DGKI: variants seen among roughly 807,000 people sequenced by gnomAD.
DGKI encodes the protein DAG kinase iota.
Under a neutral mutation model 147.5 loss-of-function variants are expected in DGKI, and 55 were observed. That is an observed-to-expected ratio of 0.37 (90% CI 0.30 to 0.47). The LOEUF is 0.47. Ranked by LOEUF, DGKI falls within the 20% of genes least tolerant of loss-of-function variation. DGKI has a pLI of 1.00. For synonymous variants in DGKI, 469 were observed against 477.1 expected, an observed-to-expected ratio of 0.98 and a Z score of 0.22; for missense variants, 1,007 against 1,323.8, an observed-to-expected ratio of 0.76 and a Z score of 3.71.
At chr7:137,522,055 T>G in intron 20 of DGKI, 89 bp from the exon 21 acceptor site, 3 of 889,212 alleles carry the variant, frequency 3.4e-6, no homozygotes, top group Non-Finnish European at 5.2e-6. Flanking sequence ...ATATTGTCTC[T>G]TCATGTTTAG....
At chr7:137,632,668 C>A (rs1289696496) in intron 6 of DGKI, among the ~76,000 whole-genome samples, 1 of 151,704 alleles carries the variant, frequency 6.6e-6, no homozygotes, top group East Asian at 1.9e-4. Flanking sequence ...ACCATCCTGG[C>A]CAACATGGTG....
intron 30 of DGKI, 97 bp from the exon 31 acceptor site, chr7:137,397,510 G>C (rs1186486245): frequency 1.7e-6 from 2 of 1,203,672 alleles, no homozygotes; most frequent in Non-Finnish European, 2.4e-6. Flanking sequence ...GCCTTGGAAA[G>C]CTAAATTTGG....
At chr7:137,701,926 T>C (rs1038322182) in intron 1 of DGKI, among the ~76,000 whole-genome samples, 3 of 152,186 alleles carry the variant, frequency 2.0e-5, no homozygotes, top group Non-Finnish European at 4.4e-5. Context: ...ATTATAAAGC[T>C]ATAGAAATCC....
intron 15 of DGKI, 142 bp downstream of exon 15, chr7:137,581,707 TC>T: frequency 1.5e-6 from 1 of 670,136 alleles, no homozygotes; most frequent in Non-Finnish European, 2.5e-6. Context: ...CCTGTCTAGC[TC>T]CCAGAGTCAT....
At chr7:137,480,405 T>C (rs1305790175) in intron 23 of DGKI, among the ~76,000 whole-genome samples, 1 of 152,090 alleles carries the variant, frequency 6.6e-6, no homozygotes, top group Non-Finnish European at 1.5e-5. Flanking sequence ...AGGAGAGAGA[T>C]GAATAAGGAC....
intron 23 of DGKI, among the ~76,000 whole-genome samples, chr7:137,474,941 T>C (rs976729654): frequency 2.0e-5 from 3 of 152,188 alleles, no homozygotes; most frequent in Non-Finnish European, 4.4e-5. Context: ...ATAATATCTA[T>C]CATAAAGGGT....
intron 1 of DGKI, among the ~76,000 whole-genome samples, chr7:137,760,052 C>T (rs975474156): frequency 6.6e-6 from 1 of 152,196 alleles, no homozygotes; most frequent in Admixed American, 6.5e-5. Flanking sequence ...TTGAGGCAAT[C>T]GACAGGGAAT....
In DGKI at chr7:137,747,539, G is replaced by C. The variant is rs190821800; in HGVS notation, c.402-57537C>G. Among the ~76,000 whole-genome samples the C allele has an allele frequency of 3.3e-3, 504 of 152,254 alleles. 4 individuals carry two copies. The highest frequency in any genetic ancestry group is 0.012 in the South Asian group (57 of 4,820). On this transcript the variant is annotated intron_variant, in intron 1 of 32. Coordinates refer to ENST00000614521, the MANE Select transcript of DGKI (RefSeq NM_001321708.2). ...CGAAGTAACCAGTGGAATCCTCTAG[G>C]GGGTATGTAAACTCCCAAAAATTCT...
intron 13 of DGKI, 92 bp from the exon 14 acceptor site, chr7:137,585,438 T>C (rs1819357999): frequency 2.7e-5 from 39 of 1,458,350 alleles, no homozygotes; most frequent in Non-Finnish European, 3.6e-5. Context: ...AGCCGTTATA[T>C]TGTTTATTTT....
chr7:137,692,170 TTGAA>T (rs1823637912), intron 1 of DGKI, among the ~76,000 whole-genome samples: 1 of 152,206 alleles, frequency 6.6e-6, no homozygotes, highest in Non-Finnish European at 1.5e-5. Flanking sequence ...TCCACCTATG[TTGAA>T]GGAACTTCTT....
chr7:137,806,170 C>T (rs13438752), intron 1 of DGKI, among the ~76,000 whole-genome samples: 4,872 of 152,174 alleles, frequency 0.032, 273 homozygotes, highest in African/African-American at 0.11. Context: ...GCAGGGGAAA[C>T]GAGAAAAACG....
At chr7:137,459,257 A>G (rs1470178543) in intron 27 of DGKI, among the ~76,000 whole-genome samples, 1 of 152,102 alleles carries the variant, frequency 6.6e-6, no homozygotes, top group African/African-American at 2.4e-5. Flanking sequence ...TTTTAAAACC[A>G]TGGGAAAATG....
Position 137,384,690 on chromosome 7 carries a change from G to C in DGKI, c.*6530C>G, listed in dbSNP as rs912324625. The C allele has an allele frequency of 6.6e-6, 1 of 151,920 alleles. No individual in the cohort carries two copies. The highest frequency in any genetic ancestry group is 1.5e-5 in the Non-Finnish European group (1 of 67,958). 9.4% of individuals were successfully genotyped at this position (151,920 alleles called of 1,614,324 possible). On this transcript the variant is annotated 3_prime_UTR_variant, in exon 33 of 33. Coordinates refer to ENST00000614521, the MANE Select transcript of DGKI (RefSeq NM_001321708.2). ...CTCAAACATGTCAATACATCATAAC[G>C]CTAAAGCACTTTTTAATTCTTGAAA...
At chr7:137,713,225 G>T (rs1443731903) in intron 1 of DGKI, among the ~76,000 whole-genome samples, 1 of 152,164 alleles carries the variant, frequency 6.6e-6, no homozygotes, top group Non-Finnish European at 1.5e-5. Context: ...AACCAGCACA[G>T]AACCAACTGC....
intron 20 of DGKI, among the ~76,000 whole-genome samples, chr7:137,538,817 C>T (rs1049010919): frequency 6.6e-6 from 1 of 152,106 alleles, no homozygotes; most frequent in Non-Finnish European, 1.5e-5. Flanking sequence ...GAAAAGTAAA[C>T]GATAGCAGTA....
chr7:137,774,861 G>A (rs1228302578), intron 1 of DGKI: 2 of 152,122 alleles, frequency 1.3e-5, no homozygotes, highest in African/African-American at 4.8e-5. Flanking sequence ...AAAGGAGAAC[G>A]AGAAAGACAA....
intron 12 of DGKI, among the ~76,000 whole-genome samples, chr7:137,590,690 GTGT>G (rs1299804082): frequency 2.6e-5 from 4 of 152,090 alleles, no homozygotes; most frequent in African/African-American, 4.8e-5. Context: ...AATCGATGCT[GTGT>G]TGTTGTTTTT....
intron 1 of DGKI, among the ~76,000 whole-genome samples, chr7:137,845,551 G>A (rs999916353): frequency 6.6e-6 from 1 of 152,198 alleles, no homozygotes; most frequent in African/African-American, 2.4e-5. Context: ...TCGATAAGCA[G>A]TAGGGTTAGT....
chr7:137,437,316 A>G (rs1167932205), intron 28 of DGKI, among the ~76,000 whole-genome samples: 5 of 152,364 alleles, frequency 3.3e-5, no homozygotes, highest in East Asian at 3.9e-4. Flanking sequence ...TTGATAAAGA[A>G]ACAAGATTTT....
Sources: allele counts gnomAD v4.1 joint callset (sites outside exome capture counted in the v4.1 genomes callset), GRCh38; gene constraint gnomAD v4.1.1; transcripts MANE v1.5; gene names NCBI Gene and HGNC (gene_info 2026-07-23, HGNC 2026-07-21).